Variants in CACNA2D3 observed in about 807,000 individuals in gnomAD.
CACNA2D3 encodes the protein voltage-dependent calcium channel subunit alpha-2/delta-3.
Under a neutral mutation model 160.6 loss-of-function variants are expected in CACNA2D3, and 60 were observed. The observed-to-expected ratio is 0.37, with a 90% CI of 0.30 to 0.46. CACNA2D3 has a LOEUF of 0.46. Ranked by LOEUF, CACNA2D3 falls within the 20% of genes least tolerant of loss-of-function variation. The probability of loss-of-function intolerance (pLI) is 1.00; values close to 1 mark genes in which losing one functional copy is unlikely to be tolerated. For missense variants in CACNA2D3, 1,205 were observed against 1,365.0 expected (o/e 0.88, Z 1.85); for synonymous variants, 558 against 492.9 (o/e 1.13, Z -1.75).
intron 8 of CACNA2D3, among the ~76,000 whole-genome samples, chr3:54,573,391 A>G (rs1273468875): frequency 6.6e-6 from 1 of 152,222 alleles, no homozygotes; most frequent in Non-Finnish European, 1.5e-5. Context: ...ATTTTAAGCA[A>G]TTCAGTAATG....
At chr3:54,716,061 G>A (rs1701045148) in intron 11 of CACNA2D3, among the ~76,000 whole-genome samples, 1 of 152,090 alleles carries the variant, frequency 6.6e-6, no homozygotes, top group Admixed American at 6.5e-5. Context: ...TCATCACATT[G>A]CGTATCTTGA....
At chr3:54,490,906 T>C (rs2106920116) in intron 4 of CACNA2D3, among the ~76,000 whole-genome samples, 1 of 152,220 alleles carries the variant, frequency 6.6e-6, no homozygotes, top group South Asian at 2.1e-4. Context: ...TACTGAGTTC[T>C]TACTTCTCTT....
At chr3:54,916,505 A>C (rs1410972013) in intron 27 of CACNA2D3, among the ~76,000 whole-genome samples, 1 of 152,148 alleles carries the variant, frequency 6.6e-6, no homozygotes, top group Admixed American at 6.5e-5. Context: ...TTCTTTCGAT[A>C]TTCAGAAAAA....
intron 34 of CACNA2D3, among the ~76,000 whole-genome samples, chr3:55,010,784 C>T (rs1327534396): frequency 2.0e-5 from 3 of 152,232 alleles, no homozygotes; most frequent in African/African-American, 4.8e-5. Context: ...CTCCCTCAGG[C>T]AGAATGAACA....
intron 9 of CACNA2D3, among the ~76,000 whole-genome samples, chr3:54,608,953 C>T (rs146753603): frequency 7.2e-4 from 110 of 152,192 alleles, no homozygotes; most frequent in Admixed American, 1.7e-3. Context: ...TAACCTTTTT[C>T]GTCTGTTTTC....
At chr3:54,863,270 C>T (rs1699331144) in intron 17 of CACNA2D3, among the ~76,000 whole-genome samples, 1 of 152,204 alleles carries the variant, frequency 6.6e-6, no homozygotes, top group African/African-American at 2.4e-5. Context: ...TCCAACTCAT[C>T]AGAGCAGATG....
intron 13 of CACNA2D3, among the ~76,000 whole-genome samples, chr3:54,770,571 G>A (rs1324289144): frequency 6.6e-6 from 1 of 152,170 alleles, no homozygotes; most frequent in Non-Finnish European, 1.5e-5. Flanking sequence ...CGGGAAAAGG[G>A]TTAATTGGCC....
intron 3 of CACNA2D3, among the ~76,000 whole-genome samples, chr3:54,348,817 C>T (rs1306373379): frequency 1.3e-5 from 2 of 152,164 alleles, no homozygotes; most frequent in East Asian, 3.8e-4. Context: ...CAACCTCCAC[C>T]TCCCAGTTCA....
At chr3:54,622,306 C>T (rs1364003367) in intron 9 of CACNA2D3, among the ~76,000 whole-genome samples, 1 of 152,190 alleles carries the variant, frequency 6.6e-6, no homozygotes. Context: ...AATGGAGTCT[C>T]GCTCTTTCGC....
rs567284962 is a variant in CACNA2D3, at chr3:54,401,117, C to T, written c.381+14343C>T. Reference sequence around the variant, plus strand: ...ATGAAATAAAAACTATAATAGAAAACTTCAACATCAGACTAGATCAAGCAG... The same window carrying T: ...ATGAAATAAAAACTATAATAGAAAATTTCAACATCAGACTAGATCAAGCAG... On this transcript the variant is annotated intron_variant, in intron 4 of 37. Transcript: ENST00000474759. Among the ~76,000 whole-genome samples the T allele has an allele frequency of 5.8e-4, 88 of 151,776 alleles. 2 individuals carry two copies. The highest frequency in any genetic ancestry group is 4.4e-4 in the Non-Finnish European group (30 of 67,958).
intron 3 of CACNA2D3, among the ~76,000 whole-genome samples, chr3:54,329,885 C>A (rs1391064988): frequency 6.6e-6 from 1 of 152,078 alleles, no homozygotes; most frequent in African/African-American, 2.4e-5. Context: ...ATTGGTTGTA[C>A]TTTTTTGGTC....
At chr3:54,586,913 A>G (rs971747579) in intron 9 of CACNA2D3, among the ~76,000 whole-genome samples, 1 of 152,120 alleles carries the variant, frequency 6.6e-6, no homozygotes, top group Non-Finnish European at 1.5e-5. Flanking sequence ...ATACTATTAA[A>G]AAAATACTTG....
At chr3:54,441,231 T>A (rs539920562) in intron 4 of CACNA2D3, among the ~76,000 whole-genome samples, 9 of 152,386 alleles carry the variant, frequency 5.9e-5, no homozygotes, top group African/African-American at 2.2e-4. Context: ...ATTTCTCTGG[T>A]GGCCAGTGAT....
intron 5 of CACNA2D3, among the ~76,000 whole-genome samples, chr3:54,524,414 C>G (rs1276647312): frequency 6.6e-6 from 1 of 151,972 alleles, no homozygotes; most frequent in Non-Finnish European, 1.5e-5. Context: ...TGTTTTATGG[C>G]TTATCCTATG....
chr3:54,417,039 G>T (rs1397164151), intron 4 of CACNA2D3, among the ~76,000 whole-genome samples: 4 of 152,154 alleles, frequency 2.6e-5, no homozygotes, highest in Non-Finnish European at 5.9e-5. Flanking sequence ...AAAAATACAG[G>T]TAGGAACTCA....
At chr3:54,593,149 G>A (rs2106759039) in intron 9 of CACNA2D3, among the ~76,000 whole-genome samples, 1 of 152,244 alleles carries the variant, frequency 6.6e-6, no homozygotes, top group East Asian at 1.9e-4. Context: ...CTTTTTAAAT[G>A]TCATGAGTAC....
intron 4 of CACNA2D3, among the ~76,000 whole-genome samples, chr3:54,427,940 G>A (rs1311997012): frequency 6.6e-6 from 1 of 152,200 alleles, no homozygotes; most frequent in Non-Finnish European, 1.5e-5. Context: ...GGGAAGTTAA[G>A]AGCCCTCAAC....
At chr3:54,228,849 C>T (rs373878145) in intron 2 of CACNA2D3, among the ~76,000 whole-genome samples, 7 of 152,264 alleles carry the variant, frequency 4.6e-5, no homozygotes, top group South Asian at 4.1e-4. Context: ...CATGCCAGAG[C>T]GACACAGTGC....
chr3:54,758,855 C>T (rs72874212), intron 12 of CACNA2D3, among the ~76,000 whole-genome samples: 3,240 of 152,240 alleles, frequency 0.021, 154 homozygotes, highest in African/African-American at 0.075. Flanking sequence ...CTACACCCGT[C>T]ACTCCAAAGA....
Sources: gnomAD v4.1 joint callset for allele counts (sites outside exome capture counted in the v4.1 genomes callset) on GRCh38, gnomAD v4.1.1 for gene constraint, MANE v1.5 for transcripts, NCBI Gene and HGNC (gene_info 2026-07-23, HGNC 2026-07-21) for gene names.